The following ADAMTSL3 variants were observed in gnomAD, a reference collection of about 807,000 sequenced individuals.
ADAMTSL3 encodes the protein ADAMTS-like protein 3.
ADAMTSL3 carries 128 observed loss-of-function variants against 201.7 expected under a neutral mutation model. That is an observed-to-expected ratio of 0.63 (90% CI 0.55 to 0.73). The LOEUF (loss-of-function observed/expected upper bound fraction) is 0.73, where lower values mean the gene tolerates loss of function less well. Ranked by LOEUF, ADAMTSL3 falls within the 30% of genes least tolerant of loss-of-function variation. The probability of loss-of-function intolerance (pLI) is 0.00; values close to 1 mark genes in which losing one functional copy is unlikely to be tolerated. For missense variants in ADAMTSL3, 1,990 were observed against 2,119.6 expected (o/e 0.94, Z 1.20); for synonymous variants, 738 against 748.4 (o/e 0.99, Z 0.23).
chr15:83,841,034 T>C (rs1188619355), intron 7 of ADAMTSL3, among the ~76,000 whole-genome samples: 1 of 152,236 alleles, frequency 6.6e-6, no homozygotes, highest in Non-Finnish European at 1.5e-5. Flanking sequence ...AAAGCGTTTT[T>C]TTAAATACTG....
At chr15:83,980,844 T>TA (rs893774921) in intron 20 of ADAMTSL3, among the ~76,000 whole-genome samples, 4 of 152,294 alleles carry the variant, frequency 2.6e-5, no homozygotes, top group Admixed American at 1.3e-4. Flanking sequence ...TCATGAGGCG[T>TA]GCAAGAGGAC....
At chr15:83,958,362 A>G in intron 19 of ADAMTSL3, among the ~76,000 whole-genome samples, 1 of 152,208 alleles carries the variant, frequency 6.6e-6, no homozygotes, top group South Asian at 2.1e-4. Context: ...CAGAATTATA[A>G]TCCAAGTGGA....
chr15:83,746,437 G>C, intron 3 of ADAMTSL3, among the ~76,000 whole-genome samples: 1 of 151,928 alleles, frequency 6.6e-6, no homozygotes. Flanking sequence ...TGTGGATATT[G>C]GGTGTTAACT....
chr15:83,969,690 G>A (rs2067156626), intron 19 of ADAMTSL3, among the ~76,000 whole-genome samples: 1 of 152,174 alleles, frequency 6.6e-6, no homozygotes, highest in African/African-American at 2.4e-5. Context: ...ACTCATAGAA[G>A]CATAGAATAC....
chr15:83,881,929 GGATCATGA>G (rs907572766), intron 9 of ADAMTSL3, among the ~76,000 whole-genome samples: 3 of 151,990 alleles, frequency 2.0e-5, no homozygotes, highest in African/African-American at 7.3e-5. Flanking sequence ...GGAGGTGGGC[GGATCATGA>G]GATCAGGAGA....
intron 7 of ADAMTSL3, among the ~76,000 whole-genome samples, chr15:83,838,477 G>T (rs1014342292): frequency 1.3e-5 from 2 of 152,160 alleles, no homozygotes; most frequent in African/African-American, 2.4e-5. Context: ...AATTTTTCAG[G>T]TAAATCATGA....
intron 8 of ADAMTSL3, among the ~76,000 whole-genome samples, chr15:83,865,191 A>G (rs1347813527): frequency 2.0e-5 from 3 of 152,220 alleles, no homozygotes; most frequent in Non-Finnish European, 4.4e-5. Flanking sequence ...ATACTGCCCA[A>G]GGTAATTTAT....
chr15:83,791,965 T>C (rs2063352394), intron 4 of ADAMTSL3, among the ~76,000 whole-genome samples: 1 of 152,110 alleles, frequency 6.6e-6, no homozygotes. Context: ...GACATTTGTC[T>C]GGGAAATGAT....
chr15:84,025,608 A>G (rs2068291896), intron 27 of ADAMTSL3, 172 bp downstream of exon 27: 3 of 651,600 alleles, frequency 4.6e-6, no homozygotes, highest in Admixed American at 3.3e-5. Context: ...AAATCATAGT[A>G]TCTCTGTCTT....
At chr15:83,921,873 A>T (rs1421966072) in intron 16 of ADAMTSL3, among the ~76,000 whole-genome samples, 2 of 151,086 alleles carry the variant, frequency 1.3e-5, no homozygotes, top group African/African-American at 4.9e-5. Context: ...TTTTTTAGAG[A>T]TGGGGTCTCA....
intron 23 of ADAMTSL3, among the ~76,000 whole-genome samples, chr15:84,002,502 G>T (rs750325586): frequency 6.6e-6 from 1 of 152,012 alleles, no homozygotes; most frequent in Non-Finnish European, 1.5e-5. Flanking sequence ...GACCCAAAAG[G>T]CCCCATATAT....
At chr15:83,910,634 CCT>C (rs2065913439) in intron 15 of ADAMTSL3, among the ~76,000 whole-genome samples, 6 of 109,462 alleles carry the variant, frequency 5.5e-5, no homozygotes, top group Admixed American at 2.3e-4. Context: ...TTTAGGTGAA[CCT>C]TTTTTTTTTT....
chr15:84,031,542 TGACA>T (rs2068410066), intron 28 of ADAMTSL3, 110 bp downstream of exon 28: 2 of 947,442 alleles, frequency 2.1e-6, no homozygotes, highest in African/African-American at 3.3e-5. Context: ...CTCTCATAAT[TGACA>T]GTTTTCAATT....
intron 28 of ADAMTSL3, 118 bp downstream of exon 28, chr15:84,031,550 T>A: frequency 1.2e-6 from 1 of 861,392 alleles, no homozygotes. Context: ...ATTGACAGTT[T>A]TCAATTATGA....
At position 84,036,929 on chromosome 15, in the gene ADAMTSL3, CTG is replaced by C; in HGVS notation, c.4915_4916del (p.Val1639ThrfsTer17). 1 of 1,614,132 alleles carries C rather than the reference CTG, an allele frequency of 6.2e-7. No individual in the cohort carries two copies. The highest frequency in any genetic ancestry group is 8.5e-7 in the Non-Finnish European group (1 of 1,180,006). On this transcript the variant is annotated frameshift_variant, in exon 29 of 30. Coordinates refer to ENST00000286744, the MANE Select transcript of ADAMTSL3 (RefSeq NM_207517.3). LOFTEE classifies it high-confidence loss of function. ...RSCKPVAKRH[C>X]VQKKKPISWR... ...GTTGCAAACCTGTGGCCAAGAGACA[CTG>C]TGTACAGAAAAAGAAACCAATTTCC...
chr15:83,843,999 A>G (rs2064440251), intron 7 of ADAMTSL3, among the ~76,000 whole-genome samples: 1 of 152,252 alleles, frequency 6.6e-6, no homozygotes, highest in African/African-American at 2.4e-5. Context: ...TAAAAACAAC[A>G]ACAAACATAT....
intron 19 of ADAMTSL3, among the ~76,000 whole-genome samples, chr15:83,955,082 G>T (rs570094626): frequency 9.8e-5 from 15 of 152,302 alleles, no homozygotes; most frequent in Admixed American, 2.0e-4. Flanking sequence ...TTCCCTTCAG[G>T]CTTATGTTCT....
intron 3 of ADAMTSL3, among the ~76,000 whole-genome samples, chr15:83,717,238 T>C (rs2062032268): frequency 6.6e-6 from 1 of 152,220 alleles, no homozygotes. Flanking sequence ...GGGTGTATGA[T>C]ACTGTGATGT....
At chr15:83,788,527 T>A (rs2063297879) in intron 4 of ADAMTSL3, among the ~76,000 whole-genome samples, 1 of 152,216 alleles carries the variant, frequency 6.6e-6, no homozygotes. Flanking sequence ...CCTCAGAAAT[T>A]TGAAGGCTTT....
Sources: allele counts gnomAD v4.1 joint callset (sites outside exome capture counted in the v4.1 genomes callset), GRCh38; gene constraint gnomAD v4.1.1; transcripts MANE v1.5; gene names NCBI Gene and HGNC (gene_info 2026-07-23, HGNC 2026-07-21).